Variants in ACOT7 observed in about 807,000 individuals in gnomAD.
ACOT7 encodes cytosolic acyl coenzyme A thioester hydrolase.
Under a neutral mutation model 40.2 loss-of-function variants are expected in ACOT7, and 12 were observed. The ratio of observed to expected loss-of-function variants is 0.30; its 90% CI spans 0.19 to 0.48. ACOT7 has a LOEUF of 0.48. Among genes scored for constraint, ACOT7 ranks in the 20% least tolerant of loss-of-function variants. The pLI, the probability that ACOT7 is intolerant of heterozygous loss-of-function variation, is 0.99. For missense variants in ACOT7, 395 were observed against 530.8 expected, an observed-to-expected ratio of 0.74 and a Z score of 2.51; for synonymous variants, 228 against 219.5, an observed-to-expected ratio of 1.04 and a Z score of -0.34.
rs1639901624 is a variant in ACOT7 at position 6,299,413 on chromosome 1, A to C, written c.713-4433T>G. On this transcript the variant is annotated intron_variant, in intron 6 of 8. Transcript: ENST00000361521. The surrounding 1 kb of genome is among the most constrained non-coding windows in gnomAD (Gnocchi z 4.1). ...AACACCAGGTAACATGCTGGCTGAG[A>C]ACCCCACACACTTGGCTCAGGTGGG... 6.6e-6 allele frequency among the ~76,000 whole-genome samples: 1 copy of C among 152,234 alleles called. No individual in the cohort carries two copies. The highest frequency in any genetic ancestry group is 2.1e-4 in the South Asian group (1 of 4,834).
chr1:6,375,133 C>G (rs1382962724), intron 1 of ACOT7, among the ~76,000 whole-genome samples: 1 of 149,434 alleles, frequency 6.7e-6, no homozygotes. Context: ...AAAAATTAGC[C>G]GGGCGTGGTG....
At chr1:6,343,151 G>A (rs774925009) in intron 2 of ACOT7, among the ~76,000 whole-genome samples, 4 of 152,194 alleles carry the variant, frequency 2.6e-5, no homozygotes, top group Admixed American at 6.5e-5. Flanking sequence ...CCGACAAGGG[G>A]TGCCACATTA....
chr1:6,323,894 G>A (rs1047864891), intron 5 of ACOT7, among the ~76,000 whole-genome samples: 1 of 151,562 alleles, frequency 6.6e-6, no homozygotes, highest in Non-Finnish European at 1.5e-5. Flanking sequence ...CTTGCTCTAG[G>A]ATGAGGTCTG....
At chr1:6,321,781 C>T (rs566552957) in intron 5 of ACOT7, among the ~76,000 whole-genome samples, 7 of 152,240 alleles carry the variant, frequency 4.6e-5, no homozygotes, top group African/African-American at 9.6e-5. Flanking sequence ...GGATGACAGG[C>T]GTAAGCCACC....
chr1:6,326,931 C>CA (rs1163224507), intron 5 of ACOT7, among the ~76,000 whole-genome samples: 2,152 of 61,002 alleles, frequency 0.035, 48 homozygotes, highest in African/African-American at 0.089. Context: ...GACTCCAACT[C>CA]AAAAAAAAAA....
intron 7 of ACOT7, among the ~76,000 whole-genome samples, chr1:6,286,916 G>A (rs943753464): frequency 6.6e-6 from 1 of 152,184 alleles, no homozygotes. Flanking sequence ...GCTTGCAGGG[G>A]GTAAAAGGAA....
chr1:6,266,618 A>C (rs772721909), intron 8 of ACOT7, among the ~76,000 whole-genome samples: 5 of 152,254 alleles, frequency 3.3e-5, no homozygotes, highest in Non-Finnish European at 7.3e-5. Flanking sequence ...GCACATCTGA[A>C]GTGGCCAAGA....
At chr1:6,265,389 C>T (rs776283057) in intron 8 of ACOT7, among the ~76,000 whole-genome samples, 1 of 152,216 alleles carries the variant, frequency 6.6e-6, no homozygotes, top group Non-Finnish European at 1.5e-5. Context: ...GGCCCCGCCC[C>T]GTACTGGGAG....
intron 6 of ACOT7, among the ~76,000 whole-genome samples, chr1:6,308,381 CAG>C (rs1279750147): frequency 1.3e-5 from 2 of 150,400 alleles, no homozygotes; most frequent in Non-Finnish European, 1.5e-5. Context: ...GAACAGCGAC[CAG>C]AGAGAACTAC....
chr1:6,269,177 G>GT (rs1638947595), intron 8 of ACOT7, among the ~76,000 whole-genome samples: 1 of 152,238 alleles, frequency 6.6e-6, no homozygotes, highest in African/African-American at 2.4e-5. Flanking sequence ...GACACAGCGG[G>GT]TAAGGGGAGA....
At position 6,288,143 on chromosome 1, in the gene ACOT7, G is replaced by A. The variant is rs1214109134; in HGVS notation, c.829+6721C>T. On this transcript the variant is annotated intron_variant, in intron 7 of 8. Coordinates refer to ENST00000361521, the MANE Select transcript of ACOT7 (RefSeq NM_007274.4). The surrounding 1 kb of genome is among the most constrained non-coding windows in gnomAD (Gnocchi z 4.3). ...GGGCTCCACTGCTTGCCTGGGGGGC[G>A]GAGGCTCTCCCACTCTGTGGGTGCT... Among the ~76,000 whole-genome samples the A allele has an allele frequency of 6.6e-6, 1 of 152,162 alleles. No individual in the cohort carries two copies. The highest frequency in any genetic ancestry group is 1.5e-5 in the Non-Finnish European group (1 of 68,008).
chr1:6,277,621 C>A (rs534614728), intron 8 of ACOT7, among the ~76,000 whole-genome samples: 1 of 152,248 alleles, frequency 6.6e-6, no homozygotes, highest in African/African-American at 2.4e-5. Flanking sequence ...CTTTGGCCCT[C>A]GCCGTTCCCT....
chr1:6,284,862 T>G (rs1158820562), intron 7 of ACOT7, among the ~76,000 whole-genome samples: 1 of 152,118 alleles, frequency 6.6e-6, no homozygotes, highest in Non-Finnish European at 1.5e-5. Flanking sequence ...CTGGCCCCCG[T>G]GGTCTCTCCC....
intron 1 of ACOT7, among the ~76,000 whole-genome samples, chr1:6,370,667 T>A (rs921839056): frequency 1.3e-5 from 2 of 151,062 alleles, no homozygotes; most frequent in Non-Finnish European, 1.5e-5. Flanking sequence ...TTTTTGTATA[T>A]TTTTTAGTAG....
chr1:6,350,214 G>A (rs1395561952), intron 1 of ACOT7, among the ~76,000 whole-genome samples: 1 of 152,158 alleles, frequency 6.6e-6, no homozygotes, highest in African/African-American at 2.4e-5. Flanking sequence ...TCAGCCCTTG[G>A]GGTTCCCAGT....
chr1:6,336,117 C>A (rs1239491611), intron 3 of ACOT7, among the ~76,000 whole-genome samples: 1 of 152,154 alleles, frequency 6.6e-6, no homozygotes, highest in African/African-American at 2.4e-5. Flanking sequence ...CAGGCCGAGG[C>A]AGGCGGATCA....
At chr1:6,372,849 C>A (rs1267782977) in intron 1 of ACOT7, among the ~76,000 whole-genome samples, 1 of 152,152 alleles carries the variant, frequency 6.6e-6, no homozygotes, top group Non-Finnish European at 1.5e-5. Context: ...CGTGCCTGGC[C>A]TCCGGCTTTT....
At chr1:6,340,897 G>A (rs1387454999) in intron 2 of ACOT7, among the ~76,000 whole-genome samples, 2 of 151,962 alleles carry the variant, frequency 1.3e-5, no homozygotes, top group Non-Finnish European at 2.9e-5. Context: ...TTACCCGGGC[G>A]TGGCGGTGCA....
At position 6,349,735 on chromosome 1, in the gene ACOT7, G is replaced by A; in HGVS notation, c.261+14C>T. ...GGCCTCCAGGGCCCAGAGGTATGGG[G>A]CCCAGACCCTTACCCCGTTCTGGCT... On this transcript the variant is annotated intron_variant, in intron 2 of 8. Coordinates refer to ENST00000361521, the MANE Select transcript of ACOT7 (RefSeq NM_007274.4). 1 of 1,608,132 alleles carries A rather than the reference G, an allele frequency of 6.2e-7. No homozygotes were observed. Among genetic ancestry groups the A allele is most frequent in the Non-Finnish European group, 8.5e-7 (1 of 1,176,848 alleles).
Sources: allele counts gnomAD v4.1 joint callset (sites outside exome capture counted in the v4.1 genomes callset), GRCh38; gene constraint gnomAD v4.1.1; non-coding constraint Gnocchi (gnomAD v3.1); transcripts MANE v1.5; gene names NCBI Gene and HGNC (gene_info 2026-07-23, HGNC 2026-07-21).